HUWE1: variants seen among roughly 807,000 people sequenced by gnomAD.
HUWE1 encodes HECT, UBA and WWE domain containing E3 ubiquitin protein ligase 1, also known as E3 ubiquitin-protein ligase HUWE1.
Under a neutral mutation model 299.4 loss-of-function variants are expected in HUWE1, and 18 were observed. The ratio of observed to expected loss-of-function variants is 0.06; its 90% CI spans 0.04 to 0.09. The LOEUF (loss-of-function observed/expected upper bound fraction) is 0.09, where lower values mean the gene tolerates loss of function less well. Ranked by LOEUF, HUWE1 falls within the 10% of genes least tolerant of loss-of-function variation. The pLI, the probability that HUWE1 is intolerant of heterozygous loss-of-function variation, is 1.00. For missense variants in HUWE1, 1,832 were observed against 3,462.3 expected, an observed-to-expected ratio of 0.53 and a Z score of 11.82; for synonymous variants, 1,317 against 1,286.1, an observed-to-expected ratio of 1.02 and a Z score of -0.51.
intron 40 of HUWE1, 24 bp from the exon 41 acceptor site, chrX:53,584,369 A>G: frequency 8.5e-7 from 1 of 1,175,224 alleles, no homozygotes; most frequent in East Asian, 3.0e-5. Flanking sequence ...CAGACATTAA[A>G]AAAACCTCTA....
intron 43 of HUWE1, among the ~76,000 whole-genome samples, chrX:53,578,645 C>A (rs1556962514): frequency 1.1e-5 from 1 of 90,400 alleles, no homozygotes; most frequent in Non-Finnish European, 2.2e-5. Context: ...GTCAGCCCCC[C>A]GCCCGGCCAG....
chrX:53,656,354 G>A (rs1182770178), intron 3 of HUWE1, among the ~76,000 whole-genome samples: 1 of 106,265 alleles, frequency 9.4e-6, no homozygotes, highest in African/African-American at 3.5e-5. Flanking sequence ...CCAGCCTGGC[G>A]ACAGAGCGAG....
At chrX:53,629,849 G>C (rs1242307643) in intron 12 of HUWE1, among the ~76,000 whole-genome samples, 2 of 112,289 alleles carry the variant, frequency 1.8e-5, no homozygotes, top group Non-Finnish European at 3.8e-5. Context: ...TTAGTCTTGA[G>C]AAAGAATTTT....
intron 7 of HUWE1, among the ~76,000 whole-genome samples, chrX:53,644,551 T>G (rs1490891647): frequency 8.9e-6 from 1 of 112,086 alleles, no homozygotes; most frequent in African/African-American, 3.2e-5. Flanking sequence ...AGGGATGAAT[T>G]ATAGGTGATT....
At chrX:53,683,946 C>T (rs782370794) in intron 2 of HUWE1, 12 of 291,922 alleles carry the variant, frequency 4.1e-5, no homozygotes, top group Non-Finnish European at 7.1e-5. Flanking sequence ...TAGAACGGCA[C>T]GAGCCGAAGA....
At chrX:53,608,948 C>T (rs1556999466) in intron 23 of HUWE1, 39 bp from the exon 24 acceptor site, 1 of 778,733 alleles carries the variant, frequency 1.3e-6, no homozygotes, top group Non-Finnish European at 2.0e-6. Flanking sequence ...CAGAAATTCA[C>T]AATACCAATA....
At position 53,653,162 on chromosome X, in the gene HUWE1, C is replaced by CA. The variant is rs1302399528; in HGVS notation, c.45+900dup. ...CCCTGTCTCAAAACAAACAAACAAACAAAAAAAACTGGAAGAAATGCAGCA... is the reference window on the plus strand; with the variant it reads ...CCCTGTCTCAAAACAAACAAACAAACAAAAAAAAACTGGAAGAAATGCAGCA... On this transcript the variant is annotated intron_variant, in intron 4 of 83. Transcript: ENST00000262854. 9.0e-5 allele frequency among the ~76,000 whole-genome samples: 10 copies of CA among 111,305 alleles called. No individual in the cohort carries two copies. The South Asian group carries it at 2.2e-3, about 25-fold the overall frequency.
chrX:53,545,089 G>A lies in HUWE1; in HGVS notation c.10988C>T (p.Pro3663Leu), dbSNP rs1556921594. ...QRRAQCETLS[P>L]DGLPEEQPQT... is the part of the protein sequence containing the mutation. ...TGGCTGCTCCTCAGGCAGGCCATCA[G>A]GAGAGAGGGTTTCACATTGGGCTCG... Residue 3663 changes from proline (P) to leucine (L), a missense_variant, in exon 71 of 84, where the codon CCT becomes CTT. Physicochemically the swap from Pro to Leu is moderately conservative, Grantham distance 98. Around this residue, in one of 15 missense-constraint regions of HUWE1, gnomAD observed 48 missense variants for 87.0 expected, o/e 0.55. Transcript: ENST00000262854. 1 of 1,210,355 alleles carries A rather than the reference G, an allele frequency of 8.3e-7. No homozygotes were observed. Among genetic ancestry groups the A allele is most frequent in the Non-Finnish European group, 1.1e-6 (1 of 894,707 alleles).
intron 2 of HUWE1, among the ~76,000 whole-genome samples, chrX:53,683,386 G>A (rs1156577119): frequency 9.0e-6 from 1 of 111,208 alleles, no homozygotes; most frequent in Non-Finnish European, 1.9e-5. Context: ...AAAAACCAGG[G>A]TATTCATCCG....
At chrX:53,634,196 G>T in intron 8 of HUWE1, 40 bp downstream of exon 8, 2 of 1,035,878 alleles carry the variant, frequency 1.9e-6, no homozygotes, top group Non-Finnish European at 2.7e-6. Context: ...AGAGGCCACA[G>T]CTCTGTCAAA....
At position 53,582,976 on chromosome X, in the gene HUWE1, T is replaced by C. The variant is rs188746634; in HGVS notation, c.5520+582A>G. On this transcript the variant is annotated intron_variant, in intron 42 of 83. Transcript: ENST00000262854. Reference sequence around the variant, plus strand: ...GGCATGAGCCACCACACCCAGACTATTGTCTTAACTTTACAAATGTTTTTA... The same window carrying C: ...GGCATGAGCCACCACACCCAGACTACTGTCTTAACTTTACAAATGTTTTTA... Among the ~76,000 whole-genome samples, 8 of 112,146 alleles carry C rather than the reference T, an allele frequency of 7.1e-5. No individual in the cohort carries two copies. The South Asian group carries it at 1.9e-3, about 26-fold the overall frequency.
intron 63 of HUWE1, among the ~76,000 whole-genome samples, chrX:53,551,773 A>G (rs782281217): frequency 1.8e-5 from 2 of 111,719 alleles, no homozygotes; most frequent in East Asian, 5.7e-4. Context: ...TCTGCTTCCC[A>G]AATTTTCAGG....
chrX:53,645,731 AAAAAAATATATAT>A lies in HUWE1; in HGVS notation c.352-281_352-269del, dbSNP rs1404656231. On this transcript the variant is annotated intron_variant, in intron 6 of 83. Coordinates refer to ENST00000262854, the MANE Select transcript of HUWE1 (RefSeq NM_031407.7). ...CTGTCTCAAAAAAAGAAAAAAAAAAAAAAAAATATATATATATATATATATATATATATATATA... is the reference window on the plus strand; with the variant it reads ...CTGTCTCAAAAAAAGAAAAAAAAAAAATATATATATATATATATATATATA... Among the ~76,000 whole-genome samples, 131 of 16,382 alleles carry A rather than the reference AAAAAAATATATAT, an allele frequency of 8.0e-3. 2 individuals carry two copies. Among genetic ancestry groups the A allele is most frequent in the Non-Finnish European group, 0.013 (111 of 8,477 alleles). 14.2% of individuals were successfully genotyped at this position (16,382 alleles called of 115,157 possible). A position where few individuals can be genotyped will look rare whatever the true frequency, so the allele number is the denominator to read the frequency against.
chrX:53,660,929 GAAGT>G (rs1228018882), intron 3 of HUWE1, among the ~76,000 whole-genome samples: 3 of 111,103 alleles, frequency 2.7e-5, no homozygotes, highest in Non-Finnish European at 3.8e-5. Context: ...ATAGAAAACT[GAAGT>G]AAGAGAGAAA....
intron 16 of HUWE1, 57 bp downstream of exon 16, chrX:53,627,682 C>T (rs1485486742): frequency 1.3e-5 from 14 of 1,088,822 alleles, no homozygotes; most frequent in Non-Finnish European, 1.8e-5. Context: ...CAGGACAATC[C>T]TTAGGTTCAG....
chrX:53,560,530 T>TC, intron 55 of HUWE1, 114 bp from the exon 56 acceptor site: 1 of 624,525 alleles, frequency 1.6e-6, no homozygotes. Context: ...CTGAGCTTTG[T>TC]CCTTTCTCCC....
At position 53,543,901 on chromosome X, in the gene HUWE1, A is replaced by ATCAGCC; in HGVS notation, c.11313_11318dup (p.Glu3771_Ala3772dup). The ATCAGCC allele has an allele frequency of 1.7e-6, 2 of 1,210,539 alleles. No homozygotes were observed. Among genetic ancestry groups the ATCAGCC allele is most frequent in the Non-Finnish European group, 1.1e-6 (1 of 894,793 alleles). On this transcript the variant is annotated inframe_insertion, in exon 73 of 84. Transcript: ENST00000262854. ...CCTCACGTACCATTTGTATAATGGCATCAGCCTCAGCCTCCAGCTGCCGAA... is the reference window on the plus strand; with the variant it reads ...CCTCACGTACCATTTGTATAATGGCATCAGCCTCAGCCTCAGCCTCCAGCTGCCGAA...
At chrX:53,543,415 G>A (rs1023831537) in intron 73 of HUWE1, among the ~76,000 whole-genome samples, 18 of 110,991 alleles carry the variant, frequency 1.6e-4, no homozygotes, top group African/African-American at 5.9e-4. Context: ...GGGCAGGGTG[G>A]AGGGAGCAGC....
At chrX:53,621,332 G>A (rs988691557) in intron 19 of HUWE1, among the ~76,000 whole-genome samples, 9 of 110,232 alleles carry the variant, frequency 8.2e-5, no homozygotes, top group African/African-American at 3.0e-4. Flanking sequence ...AACTTCTTGG[G>A]CTCCTTTTTG....
Sources: allele counts gnomAD v4.1 joint callset (sites outside exome capture counted in the v4.1 genomes callset), GRCh38; gene constraint gnomAD v4.1.1; regional missense constraint gnomAD v4.1.1; transcripts MANE v1.5; gene names NCBI Gene and HGNC (gene_info 2026-07-23, HGNC 2026-07-21).